Variants in SLC23A2 observed in about 807,000 individuals in gnomAD.
SLC23A2 encodes the protein solute carrier family 23 member 2, also known as Na(+)/L-ascorbic acid transporter 2.
SLC23A2 carries 36 observed loss-of-function variants against 73.3 expected under a neutral mutation model. The ratio of observed to expected loss-of-function variants is 0.49; its 90% CI spans 0.38 to 0.65. The LOEUF (loss-of-function observed/expected upper bound fraction) is 0.65, where lower values mean the gene tolerates loss of function less well. Among genes scored for constraint, SLC23A2 ranks in the 30% least tolerant of loss-of-function variants. SLC23A2 has a pLI of 0.00. For missense variants in SLC23A2, 507 were observed against 841.6 expected (o/e 0.60, Z 4.92); for synonymous variants, 343 against 327.3 (o/e 1.05, Z -0.52).
intron 9 of SLC23A2, among the ~76,000 whole-genome samples, chr20:4,878,693 TCTAA>T (rs1045320650): frequency 2.0e-5 from 3 of 152,146 alleles, no homozygotes; most frequent in Non-Finnish European, 4.4e-5. Flanking sequence ...AAATTAGGAG[TCTAA>T]CTTTTTCCCA....
intron 1 of SLC23A2, among the ~76,000 whole-genome samples, chr20:4,991,079 AG>A (rs1568659579): frequency 1.3e-5 from 2 of 151,570 alleles, no homozygotes; most frequent in East Asian, 3.9e-4. Flanking sequence ...GGGAGGTGTG[AG>A]GGGAGATAAT....
intron 2 of SLC23A2, among the ~76,000 whole-genome samples, chr20:4,968,309 C>T (rs977462760): frequency 1.3e-5 from 2 of 152,108 alleles, no homozygotes; most frequent in African/African-American, 4.8e-5. Context: ...GCATATGATG[C>T]GTCTTTTGGG....
At chr20:4,936,199 G>C (rs911648796) in intron 2 of SLC23A2, among the ~76,000 whole-genome samples, 2 of 152,154 alleles carry the variant, frequency 1.3e-5, no homozygotes, top group African/African-American at 4.8e-5. Context: ...AAAAAACCCA[G>C]AGTGAAAATA....
intron 9 of SLC23A2, among the ~76,000 whole-genome samples, chr20:4,881,231 T>A (rs1314133668): frequency 6.6e-6 from 1 of 152,184 alleles, no homozygotes; most frequent in African/African-American, 2.4e-5. Flanking sequence ...AGATGTCTTG[T>A]GTAACAGTAA....
At chr20:4,942,373 T>TAAAAAAAAAAAAA (rs1208549238) in intron 2 of SLC23A2, among the ~76,000 whole-genome samples, 1 of 74,608 alleles carries the variant, frequency 1.3e-5, no homozygotes, top group African/African-American at 6.9e-5. Flanking sequence ...CGCTACAGTC[T>TAAAAAAAAAAAAA]CAAAAAAAAA....
At chr20:4,896,197 C>G (rs1363272281) in intron 6 of SLC23A2, among the ~76,000 whole-genome samples, 4 of 152,146 alleles carry the variant, frequency 2.6e-5, no homozygotes, top group African/African-American at 9.7e-5. Flanking sequence ...AACCAGCGGC[C>G]TCTCTCGTTG....
intron 16 of SLC23A2, 25 bp downstream of exon 16, chr20:4,859,264 A>AAAAT: frequency 7.4e-7 from 1 of 1,345,094 alleles, no homozygotes; most frequent in Non-Finnish European, 1.0e-6. Context: ...AAAAAAAAAA[A>AAAAT]GTGTGTTTGA....
chr20:4,873,041 C>T (rs559712290), intron 11 of SLC23A2, among the ~76,000 whole-genome samples: 14 of 152,298 alleles, frequency 9.2e-5, no homozygotes, highest in Admixed American at 2.0e-4. Context: ...AGGCATGTCC[C>T]GCCGCGCCCG....
At chr20:4,874,474 G>T in intron 10 of SLC23A2, 102 bp downstream of exon 10, 1 of 1,077,318 alleles carries the variant, frequency 9.3e-7, no homozygotes, top group Non-Finnish European at 1.4e-6. Flanking sequence ...GCACAGATAT[G>T]ATCCCCCAAG....
In SLC23A2 at chr20:4,873,948, C is replaced by A. The variant is rs1366171894; in HGVS notation, c.1090G>T (p.Val364Phe). 3.7e-6 allele frequency: 6 copies of A among 1,613,458 alleles called. No homozygotes were observed. Among genetic ancestry groups the A allele is most frequent in the Admixed American group, 3.3e-5 (2 of 59,952 alleles). Residue 364 changes from valine to phenylalanine, a missense_variant, in exon 11 of 17, where the codon GTT becomes TTT. Physicochemically the swap from Val to Phe is conservative, Grantham distance 50 (BLOSUM62 -1). Transcript: ENST00000338244. ...TCAGAATACTTACATGGGTATGGAA[C>A]CTTAAACCACGGGGCTACCAGAAGC... ...GVLLVAPWFKVPYPFQWGLPT... is the reference protein window; with the variant it reads ...GVLLVAPWFKFPYPFQWGLPT...
intron 2 of SLC23A2, among the ~76,000 whole-genome samples, chr20:4,961,966 C>G (rs2087398010): frequency 6.6e-6 from 1 of 152,058 alleles, no homozygotes; most frequent in Non-Finnish European, 1.5e-5. Context: ...GACAGTTGCC[C>G]TTATGCAAGG....
At chr20:4,971,299 A>AACACACACACACACACACACAC (rs35758430) in intron 1 of SLC23A2, among the ~76,000 whole-genome samples, 2 of 142,422 alleles carry the variant, frequency 1.4e-5, no homozygotes, top group African/African-American at 5.3e-5. Context: ...GTCTCTACAA[A>AACACACACACACACACACACAC]ACACACACAC....
rs1600067883 is a variant in SLC23A2 at position 4,857,142 on chromosome 20, G to A, written c.1783C>T (p.Leu595Phe). 6.2e-7 allele frequency: 1 copy of A among 1,614,090 alleles called. No homozygotes were observed. The highest frequency in any genetic ancestry group is 1.1e-5 in the South Asian group (1 of 91,082). ...AAATTGTACGACTCCATGCCGTCGAGTGATTTGTTCCCTTTGCCCACACCC... is the reference window on the plus strand; with the variant it reads ...AAATTGTACGACTCCATGCCGTCGAATGATTTGTTCCCTTTGCCCACACCC... ...KKGVGKGNKS[L>F]DGMESYNLPF... is the part of the protein sequence containing the mutation. Residue 595 changes from leucine to phenylalanine, a missense_variant, in exon 17 of 17, where the codon CTC becomes TTC. By Grantham distance (22) the Leu-to-Phe change is conservative (BLOSUM62 0). This residue lies in a region of SLC23A2 where 168 missense variants were observed against 302.3 expected (regional missense o/e 0.56). Transcript: ENST00000338244. This position sits in a 1 kb window ranked among gnomAD's most constrained non-coding sequence, Gnocchi z 4.0.
intron 3 of SLC23A2, among the ~76,000 whole-genome samples, chr20:4,918,379 G>GAA (rs1279842745): frequency 1.3e-5 from 2 of 152,082 alleles, no homozygotes; most frequent in African/African-American, 4.8e-5. Context: ...TATGAAAGGA[G>GAA]GTTTTCTCTG....
chr20:4,855,524 T>C lies in SLC23A2; in HGVS notation c.*1448A>G, dbSNP rs1929682355. The C allele has an allele frequency of 6.6e-6, 1 of 152,274 alleles. No homozygotes were observed. The highest frequency in any genetic ancestry group is 6.5e-5 in the Admixed American group (1 of 15,280). The allele number at this position is 152,274 out of a possible 1,614,324, so 9.4% of individuals were successfully genotyped here. ...TCAGGAAGAATTTAGTGTTATTAAT[T>C]AGAACTCTCTTAAGTGAGAGGGAGC... On this transcript the variant is annotated 3_prime_UTR_variant, in exon 17 of 17. Coordinates refer to ENST00000338244, the MANE Select transcript of SLC23A2 (RefSeq NM_005116.6).
At chr20:4,983,856 T>G (rs1274150150) in intron 1 of SLC23A2, among the ~76,000 whole-genome samples, 3 of 150,674 alleles carry the variant, frequency 2.0e-5, no homozygotes, top group Non-Finnish European at 2.9e-5. Flanking sequence ...TTCGGGAGGC[T>G]GAGGCAGGAG....
chr20:4,956,970 G>T (rs1452115556), intron 2 of SLC23A2, among the ~76,000 whole-genome samples: 1 of 151,894 alleles, frequency 6.6e-6, no homozygotes, highest in Non-Finnish European at 1.5e-5. Flanking sequence ...ACCATGCCCG[G>T]CTAATTTTAT....
At chr20:4,920,168 G>T (rs1932456226) in intron 3 of SLC23A2, among the ~76,000 whole-genome samples, 2 of 152,204 alleles carry the variant, frequency 1.3e-5, no homozygotes, top group South Asian at 4.1e-4. Flanking sequence ...GACTGAGGCA[G>T]GAGAATTGCT....
intron 3 of SLC23A2, among the ~76,000 whole-genome samples, chr20:4,919,196 C>T (rs1715366): frequency 6.6e-6 from 1 of 152,030 alleles, no homozygotes; most frequent in South Asian, 2.1e-4. Flanking sequence ...ATGCAGCAGC[C>T]GATAGATCTA....
Sources: gnomAD v4.1 joint callset for allele counts (sites outside exome capture counted in the v4.1 genomes callset) on GRCh38, gnomAD v4.1.1 for gene constraint, gnomAD v4.1.1 regional missense constraint, Gnocchi (gnomAD v3.1) non-coding constraint, MANE v1.5 for transcripts, NCBI Gene and HGNC (gene_info 2026-07-23, HGNC 2026-07-21) for gene names.